The following PARD3 variants were observed in gnomAD, a reference collection of about 807,000 sequenced individuals.
PARD3 encodes the protein partitioning defective 3 homolog.
In PARD3, 75 loss-of-function variants were observed where a neutral mutation model predicts 155.4. The observed-to-expected ratio is 0.48, with a 90% CI of 0.40 to 0.58. The LOEUF (loss-of-function observed/expected upper bound fraction) is 0.58. Ranked by LOEUF, PARD3 falls within the 20% of genes least tolerant of loss-of-function variation. PARD3 has a pLI of 0.00. For missense variants in PARD3, 1,642 were observed against 1,721.7 expected (o/e 0.95, Z 0.82); for synonymous variants, 576 against 610.5 (o/e 0.94, Z 0.83).
rs557412225 is a variant in PARD3 at position 34,563,808 on chromosome 10, T to C, written c.223-46649A>G. Among the ~76,000 whole-genome samples, 5 of 152,276 alleles carry C rather than the reference T, an allele frequency of 3.3e-5. No individual in the cohort carries two copies. In the East Asian group the frequency reaches 7.7e-4, roughly 23 times the overall value. ...CCTCCCAAAGTGTTGGGATTACAGG[T>C]GTGAGATACCACACCGAATCCATGT... On this transcript the variant is annotated intron_variant, in intron 2 of 24. Coordinates refer to ENST00000374788, the MANE Select transcript of PARD3 (RefSeq NM_001184785.2).
chr10:34,791,404 C>T (rs901379636), intron 1 of PARD3, among the ~76,000 whole-genome samples: 3 of 152,196 alleles, frequency 2.0e-5, no homozygotes, highest in Non-Finnish European at 4.4e-5. Flanking sequence ...ATCACCAAGC[C>T]CGGGACCAGG....
At chr10:34,402,726 C>T (rs1324508883) in intron 5 of PARD3, among the ~76,000 whole-genome samples, 2 of 152,138 alleles carry the variant, frequency 1.3e-5, no homozygotes, top group African/African-American at 2.4e-5. Context: ...GGTGTTTACA[C>T]ATGTCAGTTT....
intron 2 of PARD3, among the ~76,000 whole-genome samples, chr10:34,522,623 G>A (rs2082217713): frequency 8.9e-6 from 1 of 112,220 alleles, no homozygotes; most frequent in Non-Finnish European, 2.0e-5. Flanking sequence ...CAATCGCTGT[G>A]TCTTGGATCT....
chr10:34,780,058 G>T (rs964012537), intron 1 of PARD3, among the ~76,000 whole-genome samples: 1 of 152,058 alleles, frequency 6.6e-6, no homozygotes, highest in Non-Finnish European at 1.5e-5. Context: ...TTCTTTCCCC[G>T]GAAGATGCAT....
intron 22 of PARD3, among the ~76,000 whole-genome samples, chr10:34,145,837 A>G (rs1293827264): frequency 6.6e-6 from 1 of 151,972 alleles, no homozygotes; most frequent in African/African-American, 2.4e-5. Flanking sequence ...CTGCCCTTTT[A>G]TATTTAAGAG....
intron 22 of PARD3, among the ~76,000 whole-genome samples, chr10:34,226,726 T>C (rs1952619511): frequency 6.6e-6 from 1 of 152,114 alleles, no homozygotes; most frequent in Non-Finnish European, 1.5e-5. Context: ...CCCTGGGAAA[T>C]AAAACGTGTC....
At chr10:34,163,923 C>T (rs114949911) in intron 22 of PARD3, among the ~76,000 whole-genome samples, 385 of 152,202 alleles carry the variant, frequency 2.5e-3, no homozygotes, top group African/African-American at 8.8e-3. Context: ...CAATAAACAC[C>T]TGAGGGAATG....
chr10:34,359,411 G>T, intron 13 of PARD3, 94 bp from the exon 14 acceptor site: 1 of 739,264 alleles, frequency 1.4e-6, no homozygotes, highest in Non-Finnish European at 2.0e-6. Flanking sequence ...TAAAAACAAA[G>T]CAAAAAAAAA....
At chr10:34,769,763 T>G (rs1214538316) in intron 1 of PARD3, among the ~76,000 whole-genome samples, 2 of 104,464 alleles carry the variant, frequency 1.9e-5, no homozygotes, top group African/African-American at 4.2e-5. Context: ...ACCATGTCTT[T>G]AAAAAAACAA....
At chr10:34,202,568 C>T (rs1435783379) in intron 22 of PARD3, among the ~76,000 whole-genome samples, 1 of 152,202 alleles carries the variant, frequency 6.6e-6, no homozygotes, top group Admixed American at 6.5e-5. Flanking sequence ...GACTTCACCA[C>T]ATCACACAGA....
In PARD3 at chr10:34,562,083, G is replaced by A. The variant is rs1012903030; in HGVS notation, c.223-44924C>T. Among the ~76,000 whole-genome samples the A allele has an allele frequency of 2.4e-4, 28 of 118,044 alleles. 1 individual carries two copies. Among genetic ancestry groups the A allele is most frequent in the African/African-American group, 9.0e-4 (27 of 30,096 alleles). 77.4% of individuals were successfully genotyped at this position (118,044 alleles called of 152,430 possible). ...GGGAGGGGGGGTGAACCGAGATCAC[G>A]CCACTACACTCCAGCCTGGGTGACG... On this transcript the variant is annotated intron_variant, in intron 2 of 24. Coordinates refer to ENST00000374788, the MANE Select transcript of PARD3 (RefSeq NM_001184785.2).
At chr10:34,159,713 T>C (rs866646638) in intron 22 of PARD3, among the ~76,000 whole-genome samples, 27 of 152,210 alleles carry the variant, frequency 1.8e-4, no homozygotes, top group African/African-American at 4.3e-4. Flanking sequence ...GCACTTTCTA[T>C]ACATGAGGCT....
rs12242711 is a variant in PARD3, at chr10:34,666,061, T to A, written c.222+30257A>T. 9.9e-3 allele frequency among the ~76,000 whole-genome samples: 1,455 copies of A among 146,440 alleles called. 15 individuals carry two copies. Among genetic ancestry groups the A allele is most frequent in the African/African-American group, 0.037 (1,386 of 37,562 alleles). The stretch of plus-strand genomic sequence containing the variant: ...GACCCTGACTCTACCAAAAAAAAAA[T>A]TAAATTAAATTAGCCAGGCATGGTG... On this transcript the variant is annotated intron_variant, in intron 2 of 24. Coordinates refer to ENST00000374788, the MANE Select transcript of PARD3 (RefSeq NM_001184785.2).
intron 2 of PARD3, among the ~76,000 whole-genome samples, chr10:34,518,591 C>T (rs1432234780): frequency 6.6e-6 from 1 of 152,070 alleles, no homozygotes; most frequent in East Asian, 1.9e-4. Context: ...GGATCATTAT[C>T]CAAAGAATAA....
At position 34,602,667 on chromosome 10, in the gene PARD3, T is replaced by G. The variant is rs577652769; in HGVS notation, c.223-85508A>C. On this transcript the variant is annotated intron_variant, in intron 2 of 24. Coordinates refer to ENST00000374788, the MANE Select transcript of PARD3 (RefSeq NM_001184785.2). Reference sequence around the variant, plus strand: ...GTAATATGAGAAAAGCAGCCAGCAATGAGAGAATGTATAATGTACATATGT... The same window carrying G: ...GTAATATGAGAAAAGCAGCCAGCAAGGAGAGAATGTATAATGTACATATGT... Among the ~76,000 whole-genome samples, 9 of 152,240 alleles carry G rather than the reference T, an allele frequency of 5.9e-5. No individual in the cohort carries two copies. In the South Asian group the frequency reaches 1.7e-3, roughly 28 times the overall value.
At chr10:34,376,570 A>C (rs1040950576) in intron 10 of PARD3, among the ~76,000 whole-genome samples, 2 of 152,206 alleles carry the variant, frequency 1.3e-5, no homozygotes, top group African/African-American at 4.8e-5. Flanking sequence ...GCAGGACCCT[A>C]ACATAATTTG....
chr10:34,600,962 ATTTTTTTTTTTTTTT>A (rs1028271994), intron 2 of PARD3, among the ~76,000 whole-genome samples: 1 of 90,066 alleles, frequency 1.1e-5, no homozygotes, highest in Non-Finnish European at 2.1e-5. Flanking sequence ...CATTTTTTTA[ATTTTTTTTTTTTTTT>A]TTTTTTTTTT....
At chr10:34,352,922 A>G (rs981460576) in intron 14 of PARD3, among the ~76,000 whole-genome samples, 1 of 142,568 alleles carries the variant, frequency 7.0e-6, no homozygotes. Flanking sequence ...CCGGCCGCCC[A>G]TCGTCTGAGA....
At chr10:34,574,543 ACC>A (rs1794848729) in intron 2 of PARD3, among the ~76,000 whole-genome samples, 1 of 152,180 alleles carries the variant, frequency 6.6e-6, no homozygotes, top group Non-Finnish European at 1.5e-5. Context: ...CAAAATAGTG[ACC>A]CATCCCAGTG....
Sources: gnomAD v4.1 joint callset for allele counts (sites outside exome capture counted in the v4.1 genomes callset) on GRCh38, gnomAD v4.1.1 for gene constraint, MANE v1.5 for transcripts, NCBI Gene and HGNC (gene_info 2026-07-23, HGNC 2026-07-21) for gene names.